B3GLCT: variants seen among roughly 807,000 people sequenced by gnomAD.
The protein encoded by B3GLCT is beta-1,3-glucosyltransferase.
A neutral mutation model predicts 63.4 loss-of-function variants in B3GLCT; 65 were observed. The observed-to-expected ratio is 1.03, with a 90% CI of 0.84 to 1.26. The LOEUF is 1.26. B3GLCT is among the 50% of genes most tolerant of loss of function. B3GLCT has a pLI of 0.00. For synonymous variants in B3GLCT, 233 were observed against 219.2 expected (o/e 1.06, Z -0.55); for missense variants, 577 against 604.8 (o/e 0.95, Z 0.48).
rs139164614 is a variant in B3GLCT at position 31,239,636 on chromosome 13, A to G, written c.271-7387A>G. ...CAGCTCAGGTTCTAGAGATGATACTATTAAGTATCTTGAATTTATGTTGTG... is the reference window on the plus strand; with the variant it reads ...CAGCTCAGGTTCTAGAGATGATACTGTTAAGTATCTTGAATTTATGTTGTG... On this transcript the variant is annotated intron_variant, in intron 4 of 14. Transcript: ENST00000343307. Among the ~76,000 whole-genome samples the G allele has an allele frequency of 5.7e-3, 858 of 151,454 alleles. 10 individuals are homozygous for G. The highest frequency in any genetic ancestry group is 0.02 in the African/African-American group (824 of 41,270).
chr13:31,329,777 G>A lies in B3GLCT; in HGVS notation c.*109G>A. 1 of 1,258,708 alleles carries A rather than the reference G, an allele frequency of 7.9e-7. No homozygotes were observed. The highest frequency in any genetic ancestry group is 1.1e-6 in the Non-Finnish European group (1 of 875,654). The allele number at this position is 1,258,708 out of a possible 1,614,324, so 78.0% of individuals were successfully genotyped here. A position where few individuals can be genotyped will look rare whatever the true frequency, so the allele number is the denominator to read the frequency against. On this transcript the variant is annotated 3_prime_UTR_variant, in exon 15 of 15. Coordinates refer to ENST00000343307, the MANE Select transcript of B3GLCT (RefSeq NM_194318.4). Reference sequence around the variant, plus strand: ...TTGTGTCTGCCACATGGCATTGGGTGCTTCCTGACTTTAGGGGGAGATTTT... The same window carrying A: ...TTGTGTCTGCCACATGGCATTGGGTACTTCCTGACTTTAGGGGGAGATTTT...
chr13:31,286,330 G>A lies in B3GLCT; in HGVS notation c.965-390G>A, dbSNP rs573878305. On this transcript the variant is annotated intron_variant, in intron 11 of 14. Coordinates refer to ENST00000343307, the MANE Select transcript of B3GLCT (RefSeq NM_194318.4). Reference sequence around the variant, plus strand: ...TGCTTCCCTGTGGCAGTGGTGCCTGGGGTTCTAACAGCTCCTTCAGAATAA... The same window carrying A: ...TGCTTCCCTGTGGCAGTGGTGCCTGAGGTTCTAACAGCTCCTTCAGAATAA... Among the ~76,000 whole-genome samples, 388 of 152,268 alleles carry A rather than the reference G, an allele frequency of 2.5e-3. 2 individuals carry two copies. Among genetic ancestry groups the A allele is most frequent in the African/African-American group, 8.8e-3 (366 of 41,550 alleles).
intron 1 of B3GLCT, among the ~76,000 whole-genome samples, chr13:31,203,314 T>A (rs1208040340): frequency 3.3e-5 from 5 of 152,234 alleles, no homozygotes; most frequent in Non-Finnish European, 5.9e-5. Context: ...CTGGATGGAT[T>A]CTTTGTCATC....
chr13:31,225,291 G>T (rs948766792), intron 3 of B3GLCT, among the ~76,000 whole-genome samples: 2 of 152,212 alleles, frequency 1.3e-5, no homozygotes, highest in African/African-American at 4.8e-5. Context: ...TCATGGAATT[G>T]TCTTATTTAG....
chr13:31,284,816 A>G, intron 11 of B3GLCT, 55 bp downstream of exon 11: 1 of 1,016,716 alleles, frequency 9.8e-7, no homozygotes, highest in Non-Finnish European at 1.6e-6. Flanking sequence ...CTGTAAATAC[A>G]GTAAATTAGG....
intron 12 of B3GLCT, among the ~76,000 whole-genome samples, chr13:31,300,301 C>T (rs1874160557): frequency 6.6e-6 from 1 of 152,092 alleles, no homozygotes; most frequent in Non-Finnish European, 1.5e-5. Flanking sequence ...GGCATTGCCT[C>T]CCTTACTAAA....
intron 7 of B3GLCT, among the ~76,000 whole-genome samples, chr13:31,263,914 A>G (rs1392029645): frequency 1.3e-5 from 2 of 152,142 alleles, no homozygotes; most frequent in Non-Finnish European, 2.9e-5. Flanking sequence ...TTGGGCTGCT[A>G]TAAAAAAATG....
intron 1 of B3GLCT, among the ~76,000 whole-genome samples, chr13:31,213,894 C>A (rs972167587): frequency 2.0e-5 from 3 of 152,058 alleles, no homozygotes; most frequent in African/African-American, 7.3e-5. Context: ...TTCAGTTTCA[C>A]CCTGCCTTTT....
At chr13:31,214,356 AGT>A (rs774229161) in intron 1 of B3GLCT, among the ~76,000 whole-genome samples, 11 of 152,100 alleles carry the variant, frequency 7.2e-5, no homozygotes, top group Non-Finnish European at 1.5e-4. Context: ...ATATTTTCAG[AGT>A]GTTACTGTCA....
intron 12 of B3GLCT, chr13:31,311,394 A>G (rs561531544): frequency 1.3e-5 from 2 of 152,440 alleles, no homozygotes; most frequent in Non-Finnish European, 1.5e-5. Flanking sequence ...GAATTGTACC[A>G]TGCTAGACTG....
At chr13:31,290,564 G>A (rs1407932665) in intron 12 of B3GLCT, among the ~76,000 whole-genome samples, 8 of 152,146 alleles carry the variant, frequency 5.3e-5, no homozygotes, top group South Asian at 2.1e-4. Flanking sequence ...TCTAACTGGC[G>A]TGAGATGGTA....
At chr13:31,313,096 GT>G (rs1566094203) in intron 12 of B3GLCT, among the ~76,000 whole-genome samples, 3 of 152,078 alleles carry the variant, frequency 2.0e-5, no homozygotes, top group Admixed American at 2.0e-4. Flanking sequence ...TATTAAATTC[GT>G]TTTCTTCACT....
intron 6 of B3GLCT, among the ~76,000 whole-genome samples, chr13:31,258,994 A>AT (rs1871883498): frequency 6.6e-6 from 1 of 151,350 alleles, no homozygotes; most frequent in Non-Finnish European, 1.5e-5. Context: ...CAGTCTGGAT[A>AT]TTTTTTACCG....
chr13:31,209,069 C>T (rs1228593214), intron 1 of B3GLCT, among the ~76,000 whole-genome samples: 1 of 152,146 alleles, frequency 6.6e-6, no homozygotes, highest in Non-Finnish European at 1.5e-5. Flanking sequence ...GTATAAAACC[C>T]AAGAGGGAGA....
intron 4 of B3GLCT, 112 bp downstream of exon 4, chr13:31,229,406 C>T: frequency 1.3e-6 from 1 of 743,332 alleles, no homozygotes; most frequent in Non-Finnish European, 2.4e-6. Flanking sequence ...GAGAATAACT[C>T]CTCTGACTCA....
intron 8 of B3GLCT, among the ~76,000 whole-genome samples, chr13:31,273,837 A>C (rs746887394): frequency 9.2e-5 from 14 of 152,146 alleles, no homozygotes; most frequent in Non-Finnish European, 1.8e-4. Flanking sequence ...AAAATCTAAG[A>C]GGAGATTTAG....
chr13:31,252,722 C>G (rs1052097193), intron 6 of B3GLCT, among the ~76,000 whole-genome samples: 2 of 151,938 alleles, frequency 1.3e-5, no homozygotes, highest in Non-Finnish European at 2.9e-5. Context: ...AAAGCAAGCT[C>G]TTAGAGACCT....
At chr13:31,323,636 G>A in intron 13 of B3GLCT, 115 bp from the exon 14 acceptor site, 1 of 1,194,178 alleles carries the variant, frequency 8.4e-7, no homozygotes, top group Admixed American at 1.7e-5. Context: ...ACTAGAGAAA[G>A]CTACTATTGC....
In B3GLCT at chr13:31,200,098, C is replaced by T. The variant is rs1868554003; in HGVS notation, c.14C>T (p.Ala5Val). ...TCCGCCGCCAGGATGCGGCCGCCCG[C>T]CTGCTGGTGGCTGCTCGCGCCGCCG... is the stretch of plus-strand genomic sequence containing the variant. MRPP[A>V]CWWLLAPPAL... is the part of the protein sequence containing the mutation. The change falls in exon 1 of 15, where the codon GCC becomes GTC. Residue 5 changes from alanine to valine, a missense_variant. Transcript: ENST00000343307. 1.5e-6 allele frequency: 2 copies of T among 1,375,406 alleles called. No individual in the cohort carries two copies. The highest frequency in any genetic ancestry group is 3.5e-5 in the East Asian group (1 of 28,460). The allele number at this position is 1,375,406 out of a possible 1,614,324, so 85.2% of individuals were successfully genotyped here. A position where few individuals can be genotyped will look rare whatever the true frequency, so the allele number is the denominator to read the frequency against.
Sources: gnomAD v4.1 joint callset for allele counts (sites outside exome capture counted in the v4.1 genomes callset) on GRCh38, gnomAD v4.1.1 for gene constraint, MANE v1.5 for transcripts, NCBI Gene and HGNC (gene_info 2026-07-23, HGNC 2026-07-21) for gene names.